CEP162: variants seen among roughly 807,000 people sequenced by gnomAD.
The protein encoded by CEP162 is centrosomal protein 162, also known as centrosomal protein of 162 kDa.
Under a neutral mutation model 169.2 loss-of-function variants are expected in CEP162, and 141 were observed. The observed-to-expected ratio is 0.83, with a 90% CI of 0.73 to 0.96. The LOEUF is 0.96. CEP162 is among the 40% of genes least tolerant of loss of function. The pLI is 0.00. For synonymous variants in CEP162, 540 were observed against 526.4 expected (o/e 1.03, Z -0.35); for missense variants, 1,600 against 1,587.2 (o/e 1.01, Z -0.14).
Position 84,174,121 on chromosome 6 carries a change from A to G in CEP162, c.2093T>C (p.Val698Ala), listed in dbSNP as rs780312832. The change falls in exon 16 of 27, where the codon GTC (valine) becomes GCC (alanine). Residue 698 changes from valine (V) to alanine (A), a missense_variant. By Grantham distance (64) the Val-to-Ala change is moderately conservative. Coordinates refer to ENST00000403245, the MANE Select transcript of CEP162 (RefSeq NM_014895.4). Reference sequence around the variant, plus strand: ...GATTTGCTTCAACTTTTCTCCAGTGACAGGATCAGCTGCTTCTCCAAAATG... The same window carrying G: ...GATTTGCTTCAACTTTTCTCCAGTGGCAGGATCAGCTGCTTCTCCAAAATG... ...WLHFGEAADPVTGEKLKQIQK... is the reference protein window; with the variant it reads ...WLHFGEAADPATGEKLKQIQK... 27 of 1,611,012 alleles carry G rather than the reference A, an allele frequency of 1.7e-5. No homozygotes were observed. In the South Asian group the frequency reaches 3.0e-4, roughly 18 times the overall value.
At position 84,124,842 on chromosome 6, in the gene CEP162, G is replaced by A. The variant is rs1041654510; in HGVS notation, c.*228C>T. On this transcript the variant is annotated 3_prime_UTR_variant, in exon 27 of 27. Coordinates refer to ENST00000403245, the MANE Select transcript of CEP162 (RefSeq NM_014895.4). ...GCCCTTCTCTGCTATAAAGGAAACT[G>A]TCCATAAATCACTTAAAATGAGACT... 2.3e-5 allele frequency: 12 copies of A among 533,312 alleles called. No homozygotes were observed. The highest frequency in any genetic ancestry group is 7.7e-5 in the Admixed American group (2 of 26,128). The allele number at this position is 533,312 out of a possible 1,614,324, so 33.0% of individuals were successfully genotyped here. A position where few individuals can be genotyped will look rare whatever the true frequency, so the allele number is the denominator to read the frequency against.
chr6:84,200,446 G>A (rs2099544012), intron 9 of CEP162, among the ~76,000 whole-genome samples: 1 of 152,172 alleles, frequency 6.6e-6, no homozygotes, highest in South Asian at 2.1e-4. Flanking sequence ...AGCACAATAA[G>A]ACCAAAGTCC....
intron 11 of CEP162, among the ~76,000 whole-genome samples, chr6:84,187,610 G>C (rs2099537757): frequency 6.6e-6 from 1 of 152,134 alleles, no homozygotes; most frequent in African/African-American, 2.4e-5. Context: ...TAGAATGTGA[G>C]TGCTATGATG....
chr6:84,140,100 T>G (rs577480613), intron 25 of CEP162, among the ~76,000 whole-genome samples: 2 of 152,174 alleles, frequency 1.3e-5, no homozygotes, highest in East Asian at 3.9e-4. Context: ...CTCTGCCAGG[T>G]GCAGGGGCAC....
chr6:84,137,148 T>C (rs1415360458), intron 25 of CEP162, among the ~76,000 whole-genome samples: 1 of 152,202 alleles, frequency 6.6e-6, no homozygotes, highest in African/African-American at 2.4e-5. Flanking sequence ...TGTTGTCACT[T>C]GGACAGCTCC....
chr6:84,143,973 C>T (rs1010157189), intron 25 of CEP162, among the ~76,000 whole-genome samples: 3 of 151,812 alleles, frequency 2.0e-5, no homozygotes, highest in African/African-American at 7.3e-5. Context: ...CTGTATTTGC[C>T]TTTAGAATCT....
At position 84,215,866 on chromosome 6, in the gene CEP162, T is replaced by C. The variant is rs766022947; in HGVS notation, c.229A>G (p.Met77Val). 3 of 1,581,784 alleles carry C rather than the reference T, an allele frequency of 1.9e-6. No individual in the cohort carries two copies. Among genetic ancestry groups the C allele is most frequent in the Non-Finnish European group, 2.6e-6 (3 of 1,162,070 alleles). ...TCAGCAGACTCCTCTTCTATTTCCA[T>C]AACAGGCTGAGAAGTCTTCTTTGTT... ...LKTKKTSQPV[M>V]EIEEESAEKI... Residue 77 changes from methionine to valine, a missense_variant, in exon 4 of 27, where the codon ATG (methionine) becomes GTG (valine). Met to Val is a conservative substitution (Grantham distance 21). Transcript: ENST00000403245.
At chr6:84,172,346 G>C (rs1208606675) in intron 16 of CEP162, among the ~76,000 whole-genome samples, 1 of 152,166 alleles carries the variant, frequency 6.6e-6, no homozygotes, top group African/African-American at 2.4e-5. Context: ...GAGATCAGAG[G>C]GAGAAGAGAT....
intron 6 of CEP162, among the ~76,000 whole-genome samples, chr6:84,205,963 T>C (rs1490334189): frequency 6.7e-6 from 1 of 148,604 alleles, no homozygotes; most frequent in East Asian, 1.9e-4. Context: ...TGAACTCCCA[T>C]TCACAATTGC....
chr6:84,136,847 G>C (rs770609596), intron 25 of CEP162, among the ~76,000 whole-genome samples: 11 of 152,116 alleles, frequency 7.2e-5, no homozygotes, highest in Non-Finnish European at 1.2e-4. Flanking sequence ...ACTGACCTTG[G>C]GTTCAATCAC....
At chr6:84,179,920 A>G (rs1030226130) in intron 13 of CEP162, among the ~76,000 whole-genome samples, 6 of 152,092 alleles carry the variant, frequency 3.9e-5, no homozygotes, top group Admixed American at 6.6e-5. Flanking sequence ...GAGGTACAAG[A>G]AGGAGCTGGT....
At chr6:84,215,608 T>G (rs1166560345) in intron 4 of CEP162, 143 bp from the exon 5 acceptor site, 3 of 1,156,418 alleles carry the variant, frequency 2.6e-6, no homozygotes, top group East Asian at 2.6e-5. Context: ...GAATTCATAT[T>G]AATAATACGT....
chr6:84,145,238 G>C (rs943328499), intron 25 of CEP162, among the ~76,000 whole-genome samples: 1 of 152,050 alleles, frequency 6.6e-6, no homozygotes, highest in Non-Finnish European at 1.5e-5. Flanking sequence ...AATTTACCTG[G>C]ATCTATTGGT....
intron 13 of CEP162, among the ~76,000 whole-genome samples, chr6:84,181,322 C>A (rs965312606): frequency 7.9e-5 from 12 of 152,146 alleles, no homozygotes; most frequent in African/African-American, 2.7e-4. Flanking sequence ...AAACTGGATC[C>A]CTTCCTTACA....
chr6:84,163,314 C>A (rs754584719), intron 18 of CEP162, 44 bp from the exon 19 acceptor site: 19 of 1,424,674 alleles, frequency 1.3e-5, no homozygotes, highest in African/African-American at 1.4e-5. Flanking sequence ...TTTACAACCA[C>A]AATAAATTGT....
At chr6:84,147,332 TG>T (rs1562011786) in intron 24 of CEP162, among the ~76,000 whole-genome samples, 1 of 151,270 alleles carries the variant, frequency 6.6e-6, no homozygotes, top group Non-Finnish European at 1.5e-5. Flanking sequence ...GAGATGGGAG[TG>T]GGGGGTTGGG....
At chr6:84,214,953 T>G (rs2099550953) in intron 5 of CEP162, among the ~76,000 whole-genome samples, 1 of 152,182 alleles carries the variant, frequency 6.6e-6, no homozygotes, top group South Asian at 2.1e-4. Context: ...TTTCCTGAGT[T>G]TATAATGGTA....
At chr6:84,199,245 T>C (rs759710134) in intron 9 of CEP162, among the ~76,000 whole-genome samples, 39 of 152,112 alleles carry the variant, frequency 2.6e-4, no homozygotes, top group Non-Finnish European at 3.7e-4. Context: ...GCTTACATCA[T>C]GGTAGAATAC....
At chr6:84,148,558 A>C (rs554377802) in intron 24 of CEP162, among the ~76,000 whole-genome samples, 1 of 152,226 alleles carries the variant, frequency 6.6e-6, no homozygotes, top group East Asian at 1.9e-4. Context: ...CTTTAGAATA[A>C]GGGCATTTCT....
Sources: allele counts gnomAD v4.1 joint callset (sites outside exome capture counted in the v4.1 genomes callset), GRCh38; gene constraint gnomAD v4.1.1; transcripts MANE v1.5; gene names NCBI Gene and HGNC (gene_info 2026-07-23, HGNC 2026-07-21).